Variants in MYLK4 observed in about 807,000 individuals in gnomAD.
The protein encoded by MYLK4 is myosin light chain kinase family member 4.
Under a neutral mutation model 48.1 loss-of-function variants are expected in MYLK4, and 46 were observed. The observed-to-expected ratio is 0.96, with a 90% CI of 0.75 to 1.22. The LOEUF is 1.22. MYLK4 is among the 50% of genes most tolerant of loss of function. The probability of loss-of-function intolerance (pLI) is 0.00; values close to 1 mark genes in which losing one functional copy is unlikely to be tolerated. For synonymous variants in MYLK4, 170 were observed against 180.8 expected (o/e 0.94, Z 0.48); for missense variants, 451 against 486.1 (o/e 0.93, Z 0.68).
the MYLK4 span, among the ~76,000 whole-genome samples, chr6:2,769,528 A>T: frequency 9.2e-5 from 14 of 152,166 alleles, no homozygotes; most frequent in African/African-American, 3.4e-4. Context: ...CTTTTTAATC[A>T]TACATAGAAT....
At chr6:2,763,314 G>A in the MYLK4 span, among the ~76,000 whole-genome samples, 26 of 152,374 alleles carry the variant, frequency 1.7e-4, no homozygotes, top group Middle Eastern at 3.4e-3. Context: ...AGAGTTGCTT[G>A]CTAGTCCCAC....
intron 11 of MYLK4, 97 bp from the exon 12 acceptor site, chr6:2,671,445 G>A: frequency 8.8e-7 from 1 of 1,139,490 alleles, no homozygotes; most frequent in Non-Finnish European, 1.3e-6. Flanking sequence ...TGCTACTGAG[G>A]AGAAGGTGCT....
chr6:2,746,605 G>A (rs887563705), intron 2 of MYLK4, among the ~76,000 whole-genome samples: 8 of 152,160 alleles, frequency 5.3e-5, no homozygotes, highest in Admixed American at 1.3e-4. Flanking sequence ...AAGCTTTCAT[G>A]TCACCAGAGT....
intron 6 of MYLK4, among the ~76,000 whole-genome samples, chr6:2,683,618 T>C (rs1471152543): frequency 2.0e-5 from 3 of 152,240 alleles, no homozygotes; most frequent in African/African-American, 2.4e-5. Context: ...TGGGTTTCAC[T>C]GTGTTGGCCA....
intron 2 of MYLK4, among the ~76,000 whole-genome samples, chr6:2,736,984 A>G (rs1204993596): frequency 7.2e-5 from 11 of 152,238 alleles, no homozygotes; most frequent in Admixed American, 7.2e-4. Flanking sequence ...CTCCAATAAA[A>G]TAGTCTCTGC....
the MYLK4 span, chr6:2,770,327 G>T: frequency 1.9e-6 from 3 of 1,613,994 alleles, no homozygotes; most frequent in African/African-American, 4.0e-5. Flanking sequence ...CCGTCCCACT[G>T]ACCCTCTGAG....
chr6:2,743,902 G>A (rs1763979579), intron 2 of MYLK4: 3 of 398,478 alleles, frequency 7.5e-6, no homozygotes, highest in African/African-American at 4.1e-5. Context: ...CTACCTGCAC[G>A]TCCTCAAGAG....
the MYLK4 span, among the ~76,000 whole-genome samples, chr6:2,763,305 G>C: frequency 6.6e-6 from 1 of 152,238 alleles, no homozygotes; most frequent in African/African-American, 2.4e-5. Flanking sequence ...CTGCAGTATA[G>C]AGTTGCTTGC....
intron 2 of MYLK4, among the ~76,000 whole-genome samples, chr6:2,741,899 T>C (rs1454540297): frequency 5.9e-5 from 9 of 152,236 alleles, no homozygotes. Context: ...CTTTTCCACA[T>C]GGAAGATGAA....
intron 2 of MYLK4, among the ~76,000 whole-genome samples, chr6:2,741,672 T>G (rs1763904832): frequency 6.6e-6 from 1 of 152,274 alleles, no homozygotes; most frequent in Non-Finnish European, 1.5e-5. Context: ...GACAATAGTT[T>G]GCTCACATTT....
At chr6:2,687,156 G>A (rs1761591549) in intron 4 of MYLK4, among the ~76,000 whole-genome samples, 2 of 152,208 alleles carry the variant, frequency 1.3e-5, no homozygotes, top group Admixed American at 1.3e-4. Context: ...CTGTGGGCAG[G>A]GTTTTTGGGA....
At chr6:2,675,023 G>C in intron 11 of MYLK4, 24 bp downstream of exon 11, 1 of 1,566,264 alleles carries the variant, frequency 6.4e-7, no homozygotes, top group Non-Finnish European at 8.8e-7. Flanking sequence ...GAGAAAAAGA[G>C]GAAGAGCAAG....
At chr6:2,680,803 C>T (rs974216215) in intron 7 of MYLK4, among the ~76,000 whole-genome samples, 9 of 152,162 alleles carry the variant, frequency 5.9e-5, no homozygotes, top group African/African-American at 9.7e-5. Context: ...ATGGGAAAGT[C>T]GCACGGCAGA....
intron 7 of MYLK4, 42 bp from the exon 8 acceptor site, chr6:2,680,333 C>T: frequency 6.2e-7 from 1 of 1,612,180 alleles, no homozygotes; most frequent in South Asian, 1.1e-5. Context: ...AAACAACCAT[C>T]ATTCACTCAA....
intron 2 of MYLK4, among the ~76,000 whole-genome samples, chr6:2,732,378 A>G (rs959565761): frequency 1.3e-5 from 2 of 152,164 alleles, no homozygotes; most frequent in Non-Finnish European, 2.9e-5. Context: ...TAGGTCCAAC[A>G]GCTCATCGTG....
chr6:2,670,990 C>T (rs1324494), intron 12 of MYLK4, among the ~76,000 whole-genome samples: 95,655 of 151,644 alleles, frequency 0.63, 30,790 homozygotes, highest in East Asian at 0.93. Flanking sequence ...ATCCCTCCCA[C>T]GCACCAGGCT....
At chr6:2,712,030 T>G (rs1762692411) in intron 2 of MYLK4, among the ~76,000 whole-genome samples, 1 of 152,214 alleles carries the variant, frequency 6.6e-6, no homozygotes, top group South Asian at 2.1e-4. Context: ...CCATTTGAAG[T>G]AGATTTTTCT....
intron 2 of MYLK4, among the ~76,000 whole-genome samples, chr6:2,706,578 G>T (rs1421090654): frequency 2.6e-5 from 4 of 152,126 alleles, no homozygotes. Context: ...TATGAAAACT[G>T]TATTAGCACC....
rs1360414406 is a variant in MYLK4 at position 2,685,819 on chromosome 6, C to T, written c.342-243G>A. ...GGCACGGTGGCTCACACCTGTAATC[C>T]CAGCACTTTGGGAGGCCGAGGCGGG... On this transcript the variant is annotated intron_variant, in intron 4 of 12. Transcript: ENST00000274643. The surrounding 1 kb of genome is among the most constrained non-coding windows in gnomAD (Gnocchi z 4.5). Among the ~76,000 whole-genome samples, 4 of 152,032 alleles carry T rather than the reference C, an allele frequency of 2.6e-5. No individual in the cohort carries two copies. In the East Asian group the frequency reaches 5.8e-4, roughly 22 times the overall value.
Sources: allele counts gnomAD v4.1 joint callset (sites outside exome capture counted in the v4.1 genomes callset), GRCh38; gene constraint gnomAD v4.1.1; non-coding constraint Gnocchi (gnomAD v3.1); transcripts MANE v1.5; gene names NCBI Gene and HGNC (gene_info 2026-07-23, HGNC 2026-07-21).